DENND2A: variants seen among roughly 807,000 people sequenced by gnomAD.
DENND2A encodes the protein DENN domain-containing protein 2A.
Under a neutral mutation model 105.3 loss-of-function variants are expected in DENND2A, and 53 were observed. That is an observed-to-expected ratio of 0.50 (90% CI 0.40 to 0.63). The LOEUF is 0.63. DENND2A is among the 30% of genes least tolerant of loss of function. The pLI, the probability that DENND2A is intolerant of heterozygous loss-of-function variation, is 0.00. For synonymous variants in DENND2A, 522 were observed against 508.4 expected (o/e 1.03, Z -0.36); for missense variants, 1,138 against 1,279.6 (o/e 0.89, Z 1.69).
intron 1 of DENND2A, among the ~76,000 whole-genome samples, chr7:140,613,999 T>A (rs188683498): frequency 4.1e-4 from 62 of 152,300 alleles, no homozygotes; most frequent in Non-Finnish European, 1.5e-5. Context: ...CCTTCTCCCC[T>A]TTTTTCTTTT....
Position 140,567,292 on chromosome 7 carries a change from G to C in DENND2A, c.1592-19C>G, listed in dbSNP as rs1465716498. 3 of 1,163,074 alleles carry C rather than the reference G, an allele frequency of 2.6e-6. No homozygotes were observed. Among genetic ancestry groups the C allele is most frequent in the Non-Finnish European group, 3.5e-6 (3 of 861,410 alleles). The allele number at this position is 1,163,074 out of a possible 1,614,324, so 72.0% of individuals were successfully genotyped here. On this transcript the variant is annotated intron_variant, in intron 8 of 19. Transcript: ENST00000496613. ...CTGTGAGCTGGGTGAGGGAGGGAGAGAGAAAGAGAGAAAGAGAGAGAGAGA... is the reference window on the plus strand; with the variant it reads ...CTGTGAGCTGGGTGAGGGAGGGAGACAGAAAGAGAGAAAGAGAGAGAGAGA...
At chr7:140,574,153 G>GT (rs1798207243) in intron 5 of DENND2A, 145 bp from the exon 6 acceptor site, 1 of 818,588 alleles carries the variant, frequency 1.2e-6, no homozygotes, top group Admixed American at 2.4e-5. Context: ...GGTTATGCCA[G>GT]TAAGTGTTCA....
chr7:140,585,513 T>C, intron 5 of DENND2A, 76 bp downstream of exon 5: 1 of 1,589,522 alleles, frequency 6.3e-7, no homozygotes, highest in Non-Finnish European at 8.6e-7. Flanking sequence ...ATTCCAGTGC[T>C]GGCCGGAACT....
chr7:140,558,512 A>G (rs1390651609), intron 10 of DENND2A, among the ~76,000 whole-genome samples: 3 of 152,070 alleles, frequency 2.0e-5, no homozygotes, highest in African/African-American at 7.2e-5. Flanking sequence ...CCTGGCCAAT[A>G]GGGTGAAACC....
In DENND2A at chr7:140,633,447, G is replaced by A. The variant is rs184904228; in HGVS notation, c.-248+7057C>T. On this transcript the variant is annotated intron_variant, in intron 1 of 19. Transcript: ENST00000496613. ...TAGAATTACAGGTGTGAGCCACCGC[G>A]CCTGGCCTAATGCTCTCTTTTTACT... Among the ~76,000 whole-genome samples, 12 of 152,262 alleles carry A rather than the reference G, an allele frequency of 7.9e-5. No homozygotes were observed. In the East Asian group the frequency reaches 1.2e-3, roughly 15 times the overall value.
intron 3 of DENND2A, among the ~76,000 whole-genome samples, chr7:140,589,494 T>C (rs994509664): frequency 3.3e-5 from 5 of 152,142 alleles, no homozygotes; most frequent in African/African-American, 1.2e-4. Context: ...TCTCCCACTC[T>C]CAGGGCCAGG....
chr7:140,608,483 C>A (rs1488641991), intron 1 of DENND2A, among the ~76,000 whole-genome samples: 1 of 152,048 alleles, frequency 6.6e-6, no homozygotes, highest in Admixed American at 6.6e-5. Context: ...TTGAAACCAG[C>A]CTGGGCAACA....
intron 9 of DENND2A, among the ~76,000 whole-genome samples, chr7:140,563,963 C>G (rs667416): frequency 0.49 from 74,017 of 151,330 alleles, 19,531 homozygotes; most frequent in African/African-American, 0.69. Flanking sequence ...TGGATGACAA[C>G]AGCAAGACAG....
intron 14 of DENND2A, chr7:140,543,519 C>T (rs1272793946): frequency 6.6e-6 from 1 of 152,180 alleles, no homozygotes; most frequent in Non-Finnish European, 1.5e-5. Context: ...CCAGGGAAGT[C>T]GCACACAGCA....
chr7:140,552,979 A>C (rs1797199007), intron 12 of DENND2A, among the ~76,000 whole-genome samples: 1 of 152,106 alleles, frequency 6.6e-6, no homozygotes, highest in African/African-American at 2.4e-5. Context: ...AAATGCTTTT[A>C]GGGGTGAAGG....
chr7:140,528,641 G>A (rs1018348603), intron 14 of DENND2A, among the ~76,000 whole-genome samples: 28 of 151,856 alleles, frequency 1.8e-4, no homozygotes, highest in African/African-American at 6.3e-4. Context: ...CATGGTGTAC[G>A]CCCAGCTACT....
At chr7:140,529,606 T>C (rs1796185360) in intron 14 of DENND2A, among the ~76,000 whole-genome samples, 1 of 152,148 alleles carries the variant, frequency 6.6e-6, no homozygotes, top group African/African-American at 2.4e-5. Context: ...CATGGAATAC[T>C]ATGCAGCCAT....
At chr7:140,554,087 G>A (rs1343507207) in intron 12 of DENND2A, among the ~76,000 whole-genome samples, 1 of 152,074 alleles carries the variant, frequency 6.6e-6, no homozygotes, top group Non-Finnish European at 1.5e-5. Context: ...TTAGCCGGGT[G>A]TGGTGGCATG....
intron 9 of DENND2A, among the ~76,000 whole-genome samples, chr7:140,564,931 G>A (rs566292156): frequency 1.3e-5 from 2 of 151,950 alleles, no homozygotes; most frequent in South Asian, 2.1e-4. Flanking sequence ...GGCAGCCCCC[G>A]GCAAAAAAAA....
intron 1 of DENND2A, among the ~76,000 whole-genome samples, chr7:140,637,362 CA>C (rs1265131357): frequency 6.6e-6 from 1 of 152,200 alleles, no homozygotes; most frequent in African/African-American, 2.4e-5. Flanking sequence ...TTAAAGGGCA[CA>C]TTAGCAATGT....
At chr7:140,627,187 T>A (rs1266414120) in intron 1 of DENND2A, among the ~76,000 whole-genome samples, 1 of 152,154 alleles carries the variant, frequency 6.6e-6, no homozygotes. Context: ...AACATATTAT[T>A]GTAAATATTT....
At chr7:140,560,948 G>A (rs1356835786) in intron 9 of DENND2A, among the ~76,000 whole-genome samples, 2 of 152,128 alleles carry the variant, frequency 1.3e-5, no homozygotes, top group South Asian at 4.2e-4. Flanking sequence ...AAAAGGACAG[G>A]ATGAATTAAT....
chr7:140,552,644 C>A (rs1043730807), intron 12 of DENND2A, among the ~76,000 whole-genome samples: 6 of 152,080 alleles, frequency 3.9e-5, no homozygotes, highest in Non-Finnish European at 7.4e-5. Context: ...GCGATCCTCC[C>A]ACCTTGGCCT....
intron 2 of DENND2A, among the ~76,000 whole-genome samples, chr7:140,603,795 A>G (rs1367161599): frequency 1.3e-5 from 2 of 152,230 alleles, no homozygotes; most frequent in Non-Finnish European, 2.9e-5. Context: ...TCAGTTCCTC[A>G]GTTACACCTG....
Sources: allele counts gnomAD v4.1 joint callset (sites outside exome capture counted in the v4.1 genomes callset), GRCh38; gene constraint gnomAD v4.1.1; transcripts MANE v1.5; gene names NCBI Gene and HGNC (gene_info 2026-07-23, HGNC 2026-07-21).